SIM1: variants seen among roughly 807,000 people sequenced by gnomAD.
The protein encoded by SIM1 is SIM bHLH transcription factor 1, also known as single-minded homolog 1.
Under a neutral mutation model 78.2 loss-of-function variants are expected in SIM1, and 18 were observed. That is an observed-to-expected ratio of 0.23 (90% confidence interval 0.16 to 0.34). The LOEUF is 0.34. Ranked by LOEUF, SIM1 falls within the 10% of genes least tolerant of loss-of-function variation. The probability of loss-of-function intolerance (pLI) is 1.00; values close to 1 mark genes in which losing one functional copy is unlikely to be tolerated. For missense variants in SIM1, 939 were observed against 975.1 expected (o/e 0.96, Z 0.49); for synonymous variants, 417 against 385.2 (o/e 1.08, Z -0.97).
chr6:100,443,818 GCA>G (rs1772280717), intron 9 of SIM1, among the ~76,000 whole-genome samples: 1 of 152,048 alleles, frequency 6.6e-6, no homozygotes, highest in African/African-American at 2.4e-5. Context: ...TTAAAAATAG[GCA>G]CACATATAGG....
chr6:100,396,091 T>C (rs1366879929), intron 10 of SIM1: 15 of 984,696 alleles, frequency 1.5e-5, no homozygotes, highest in African/African-American at 1.7e-5. Flanking sequence ...ATCCTCTTCT[T>C]CCAGTGAACC....
chr6:100,397,359 T>C lies in SIM1; in HGVS notation c.1168-3470A>G, dbSNP rs375222616. 3.9e-5 allele frequency among the ~76,000 whole-genome samples: 6 copies of C among 152,318 alleles called. No individual in the cohort carries two copies. In the South Asian group the frequency reaches 8.3e-4, roughly 21 times the overall value. Reference sequence around the variant, plus strand: ...CATGACCCATACTATCAGCATTACTTGGAGGCGGAAAATGTGACAAACTTC... The same window carrying C: ...CATGACCCATACTATCAGCATTACTCGGAGGCGGAAAATGTGACAAACTTC... On this transcript the variant is annotated intron_variant, in intron 10 of 11. Transcript: ENST00000369208.
chr6:100,418,557 A>T (rs1445849016), intron 10 of SIM1, among the ~76,000 whole-genome samples: 2 of 152,138 alleles, frequency 1.3e-5, no homozygotes, highest in Non-Finnish European at 2.9e-5. Flanking sequence ...GTTAGAGTGA[A>T]CTAATAGAAA....
At chr6:100,462,025 T>C (rs934580209) in intron 2 of SIM1, among the ~76,000 whole-genome samples, 3 of 152,054 alleles carry the variant, frequency 2.0e-5, no homozygotes, top group African/African-American at 7.2e-5. Context: ...GCTTGGAGCA[T>C]GTTTTTCATG....
chr6:100,430,362 T>C (rs1246492921), intron 9 of SIM1, among the ~76,000 whole-genome samples: 1 of 152,332 alleles, frequency 6.6e-6, no homozygotes, highest in East Asian at 1.9e-4. Flanking sequence ...CTTTAATAGT[T>C]AGATCTGAAT....
At position 100,387,307 on chromosome 6, in the gene SIM1, A is replaced by T. The variant is rs1391701789; in HGVS notation, c.*3054T>A. 1 of 152,104 alleles carries T rather than the reference A, an allele frequency of 6.6e-6. No homozygotes were observed. Among genetic ancestry groups the T allele is most frequent in the Non-Finnish European group, 1.5e-5 (1 of 67,948 alleles). 9.4% of individuals were successfully genotyped at this position (152,104 alleles called of 1,614,324 possible). A position where few individuals can be genotyped will look rare whatever the true frequency, so the allele number is the denominator to read the frequency against. ...AATCAAGAATTAAAACTAAAGCCAT[A>T]TTAAGTTTAACTGATTAAATTATCG... On this transcript the variant is annotated 3_prime_UTR_variant, in exon 12 of 12. Transcript: ENST00000369208.
At chr6:100,462,804 A>G (rs568885550) in intron 2 of SIM1, 1 of 152,626 alleles carries the variant, frequency 6.6e-6, no homozygotes, top group African/African-American at 2.4e-5. Flanking sequence ...TTGTTCACAA[A>G]TATGCATGTT....
intron 9 of SIM1, among the ~76,000 whole-genome samples, chr6:100,439,111 A>T (rs1023780990): frequency 3.3e-5 from 5 of 152,048 alleles, no homozygotes; most frequent in South Asian, 4.1e-4. Flanking sequence ...ATTGAAATTT[A>T]AAAAAAAGAA....
rs1771227011 is a variant in SIM1, at chr6:100,412,573, AAGAAAGAAAGAAAGAAAG to A, written c.1167+8199_1167+8216del. Among the ~76,000 whole-genome samples the A allele has an allele frequency of 1.8e-5, 2 of 110,606 alleles. 1 individual carries two copies. Among genetic ancestry groups the A allele is most frequent in the East Asian group, 9.9e-4 (2 of 2,016 alleles). 72.6% of individuals were successfully genotyped at this position (110,606 alleles called of 152,430 possible). A position where few individuals can be genotyped will look rare whatever the true frequency, so the allele number is the denominator to read the frequency against. ...AAGAAAGAAAAGAAAGAAAGAAAGA[AAGAAAGAAAGAAAGAAAG>A]AAAGAAAGAAAGAAAGAAAGGAAAG... On this transcript the variant is annotated intron_variant, in intron 10 of 11. Coordinates refer to ENST00000369208, the MANE Select transcript of SIM1 (RefSeq NM_005068.3).
intron 10 of SIM1, among the ~76,000 whole-genome samples, chr6:100,404,260 G>A (rs766818275): frequency 4.6e-5 from 7 of 152,286 alleles, no homozygotes; most frequent in Admixed American, 1.3e-4. Flanking sequence ...ATCTGGATGT[G>A]GCAGCAACCA....
chr6:100,461,408 GGGCTCTCCCGGCC>G (rs1404399968), intron 2 of SIM1, among the ~76,000 whole-genome samples: 1 of 152,186 alleles, frequency 6.6e-6, no homozygotes, highest in African/African-American at 2.4e-5. Context: ...CCGACTCCCC[GGGCTCTCCCGGCC>G]GGCTCGGTGC....
At chr6:100,443,231 T>C (rs1336344937) in intron 9 of SIM1, among the ~76,000 whole-genome samples, 1 of 152,078 alleles carries the variant, frequency 6.6e-6, no homozygotes, top group African/African-American at 2.4e-5. Context: ...AATAGAAGTT[T>C]TAACATAGAA....
In SIM1 at chr6:100,450,337, A is replaced by G. The variant is rs1772475711; in HGVS notation, c.278T>C (p.Phe93Ser). 6.2e-7 allele frequency: 1 copy of G among 1,613,992 alleles called. No individual in the cohort carries two copies. Among genetic ancestry groups the G allele is most frequent in the Admixed American group, 1.7e-5 (1 of 60,008 alleles). ...HLLQTLDGFIFVVAPDGKIMY... is the reference protein window; with the variant it reads ...HLLQTLDGFISVVAPDGKIMY... ...GATCTTCCCATCTGGGGCTACCACG[A>G]AGATGAAGCCATCCAGGGTCTGGGG... The change falls in exon 4 of 12, where the codon TTC (phenylalanine) becomes TCC (serine). Residue 93 changes from phenylalanine to serine, a missense_variant. Phe to Ser is a radical substitution (Grantham distance 155). This residue lies in a region of SIM1 where 121 missense variants were observed against 124.6 expected (regional missense o/e 0.97). Transcript: ENST00000369208.
Position 100,463,755 on chromosome 6 carries a change from G to T in SIM1, c.-287C>A, listed in dbSNP as rs1025636298. On this transcript the variant is annotated 5_prime_UTR_variant, in exon 2 of 12. Coordinates refer to ENST00000369208, the MANE Select transcript of SIM1 (RefSeq NM_005068.3). ...TGGGCAATCCTGAGGGTCGTTCAGGGTATCAAATGCCAGTGGGACCCCTGA... is the reference window on the plus strand; with the variant it reads ...TGGGCAATCCTGAGGGTCGTTCAGGTTATCAAATGCCAGTGGGACCCCTGA... 2 of 280,454 alleles carry T rather than the reference G, an allele frequency of 7.1e-6. No individual in the cohort carries two copies. Among genetic ancestry groups the T allele is most frequent in the Non-Finnish European group, 1.3e-5 (2 of 150,406 alleles). The allele number at this position is 280,454 out of a possible 1,614,324, so 17.4% of individuals were successfully genotyped here. A position where few individuals can be genotyped will look rare whatever the true frequency, so the allele number is the denominator to read the frequency against.
chr6:100,420,880 G>T lies in SIM1; in HGVS notation c.1077C>A (p.Ser359Arg), dbSNP rs761897075. 16 of 1,613,954 alleles carry T rather than the reference G, an allele frequency of 9.9e-6. No homozygotes were observed. Among genetic ancestry groups the T allele is most frequent in the Non-Finnish European group, 1.2e-5 (14 of 1,180,006 alleles). Reference sequence around the variant, plus strand: ...TGTTGTCAGTCATGGTGGGGGTGGAGCTGCTGGTATAGGAGAAGGCTGGTT... The same window carrying T: ...TGTTGTCAGTCATGGTGGGGGTGGATCTGCTGGTATAGGAGAAGGCTGGTT... ...ASKPAFSYTS[S>R]STPTMTDNRK... The change falls in exon 10 of 12, where the codon AGC (serine) becomes AGA (arginine). Residue 359 changes from serine (S) to arginine (R), a missense_variant. Transcript: ENST00000369208.
At chr6:100,418,095 C>G (rs1771452677) in intron 10 of SIM1, among the ~76,000 whole-genome samples, 2 of 151,984 alleles carry the variant, frequency 1.3e-5, no homozygotes, top group Non-Finnish European at 1.5e-5. Context: ...AAAATGGGCA[C>G]TTGGGAGGCT....
chr6:100,453,020 A>G (rs940865115), intron 3 of SIM1, among the ~76,000 whole-genome samples: 9 of 152,166 alleles, frequency 5.9e-5, no homozygotes, highest in African/African-American at 1.9e-4. Flanking sequence ...TAATAATAAT[A>G]ATGATGATGT....
At chr6:100,420,309 C>T (rs1055594750) in intron 10 of SIM1, among the ~76,000 whole-genome samples, 1 of 152,178 alleles carries the variant, frequency 6.6e-6, no homozygotes, top group Non-Finnish European at 1.5e-5. Flanking sequence ...GGAAGACCCT[C>T]TTTATTTCAT....
chr6:100,463,619 T>C lies in SIM1; in HGVS notation c.-151A>G, dbSNP rs913567337. ...AAGTATTTGCACCAAGAACAGTGTA[T>C]TGATGGCAGTAAAAGACCAGCGGGG... On this transcript the variant is annotated 5_prime_UTR_variant, in exon 2 of 12. Transcript: ENST00000369208. 5.9e-6 allele frequency: 4 copies of C among 682,450 alleles called. No individual in the cohort carries two copies. The highest frequency in any genetic ancestry group is 9.8e-6 in the Non-Finnish European group (4 of 406,630). The allele number at this position is 682,450 out of a possible 1,614,324, so 42.3% of individuals were successfully genotyped here.
Sources: gnomAD v4.1 joint callset for allele counts (sites outside exome capture counted in the v4.1 genomes callset) on GRCh38, gnomAD v4.1.1 for gene constraint, gnomAD v4.1.1 regional missense constraint, MANE v1.5 for transcripts, NCBI Gene and HGNC (gene_info 2026-07-23, HGNC 2026-07-21) for gene names.